The following CACNA1E variants were observed in gnomAD, a reference collection of about 807,000 sequenced individuals.
CACNA1E encodes the protein voltage-dependent R-type calcium channel subunit alpha-1E.
In CACNA1E, 40 loss-of-function variants were observed where a neutral mutation model predicts 259.2. That is an observed-to-expected ratio of 0.15 (90% CI 0.12 to 0.20). The LOEUF is 0.20. CACNA1E is among the 10% of genes least tolerant of loss of function. The pLI, the probability that CACNA1E is intolerant of heterozygous loss-of-function variation, is 1.00. For missense variants in CACNA1E, 1,874 were observed against 3,040.1 expected (o/e 0.62, Z 9.02); for synonymous variants, 1,104 against 1,138.5 (o/e 0.97, Z 0.61).
intron 1 of CACNA1E, among the ~76,000 whole-genome samples, chr1:181,385,245 G>C (rs1655755340): frequency 1.3e-5 from 2 of 152,196 alleles, no homozygotes; most frequent in South Asian, 4.1e-4. Flanking sequence ...AAATTGCCTT[G>C]AGTTCCTTGG....
intron 2 of CACNA1E, among the ~76,000 whole-genome samples, chr1:181,452,571 G>C (rs1486606647): frequency 1.4e-4 from 21 of 152,132 alleles, no homozygotes; most frequent in Admixed American, 1.4e-3. Context: ...CTCAGCCAGG[G>C]CTCTCAGGAA....
At chr1:181,686,275 G>GTTTTTTTTTTTTTTTT (rs66526388) in intron 7 of CACNA1E, among the ~76,000 whole-genome samples, 15 of 58,670 alleles carry the variant, frequency 2.6e-4, no homozygotes, top group African/African-American at 3.7e-4. Context: ...TAAGAACCAA[G>GTTTTTTTTTTTTTTTT]TTTTTTTTTT....
At chr1:181,452,670 C>G (rs1661236050) in intron 2 of CACNA1E, among the ~76,000 whole-genome samples, 1 of 152,242 alleles carries the variant, frequency 6.6e-6, no homozygotes, top group South Asian at 2.1e-4. Flanking sequence ...ATGCTGTCTT[C>G]AAGGCTATCT....
At chr1:181,649,279 C>T (rs1245100989) in intron 6 of CACNA1E, among the ~76,000 whole-genome samples, 2 of 152,148 alleles carry the variant, frequency 1.3e-5, no homozygotes, top group Non-Finnish European at 2.9e-5. Flanking sequence ...ATTGGCAGGT[C>T]CCTGCATCTG....
Position 181,333,931 on chromosome 1 carries a change from C to T in CACNA1E, c.-15+15808C>T, listed in dbSNP as rs940073147. Among the ~76,000 whole-genome samples the T allele has an allele frequency of 2.6e-5, 4 of 152,366 alleles. No individual in the cohort carries two copies. In the East Asian group the frequency reaches 7.7e-4, roughly 29 times the overall value. On this transcript the variant is annotated intron_variant, in intron 1 of 11. Transcript: ENST00000524607. ...TGGCCTCCCAAAGTGCTGGGATTTACAGGCGTGAGCCACTACGCCCAGCCA... is the reference window on the plus strand; with the variant it reads ...TGGCCTCCCAAAGTGCTGGGATTTATAGGCGTGAGCCACTACGCCCAGCCA...
In CACNA1E at chr1:181,483,622, G is replaced by T; in HGVS notation, c.-123G>T. 1.7e-6 allele frequency: 1 copy of T among 583,608 alleles called. No individual in the cohort carries two copies. The highest frequency in any genetic ancestry group is 2.9e-5 in the South Asian group (1 of 34,778). 36.2% of individuals were successfully genotyped at this position (583,608 alleles called of 1,614,324 possible). ...GAAGAGCTCGCGGAGCTCCCCAGAG[G>T]CGGTGGTCCCCGTGCTTGTCTGGAT... On this transcript the variant is annotated 5_prime_UTR_variant, in exon 1 of 48. Transcript: ENST00000367573.
intron 7 of CACNA1E, among the ~76,000 whole-genome samples, chr1:181,667,766 A>T (rs1648380625): frequency 6.6e-6 from 1 of 152,212 alleles, no homozygotes; most frequent in Non-Finnish European, 1.5e-5. Flanking sequence ...CCAAGTGCTG[A>T]ATGAGTCATA....
chr1:181,399,767 T>C (rs1656959157), intron 1 of CACNA1E, among the ~76,000 whole-genome samples: 1 of 152,244 alleles, frequency 6.6e-6, no homozygotes, highest in Non-Finnish European at 1.5e-5. Context: ...TCCCAAAGTG[T>C]GACTTGTTAG....
At chr1:181,540,057 G>T (rs1462787880) in intron 3 of CACNA1E, among the ~76,000 whole-genome samples, 3 of 152,126 alleles carry the variant, frequency 2.0e-5, no homozygotes, top group Non-Finnish European at 2.9e-5. Flanking sequence ...TCCTATTTGG[G>T]TGTGACATCC....
intron 3 of CACNA1E, among the ~76,000 whole-genome samples, chr1:181,554,159 A>G (rs901051328): frequency 1.3e-5 from 2 of 152,060 alleles, no homozygotes; most frequent in Admixed American, 6.5e-5. Flanking sequence ...GGCACATTCC[A>G]CTATGCCCAG....
At position 181,771,589 on chromosome 1, in the gene CACNA1E, T is replaced by G. The variant is rs1572856119; in HGVS notation, c.4973+205T>G. On this transcript the variant is annotated intron_variant, in intron 36 of 47. Transcript: ENST00000367573. Reference sequence around the variant, plus strand: ...TTGTCTACAGCCATACCACCATGAATGTGCCTGATCTTGTCTGATCTTGGA... The same window carrying G: ...TTGTCTACAGCCATACCACCATGAAGGTGCCTGATCTTGTCTGATCTTGGA... 7 of 555,282 alleles carry G rather than the reference T, an allele frequency of 1.3e-5. No homozygotes were observed. The Admixed American group carries it at 2.2e-4, about 18-fold the overall frequency. 34.4% of individuals were successfully genotyped at this position (555,282 alleles called of 1,614,324 possible).
chr1:181,625,505 A>T (rs776387363), intron 6 of CACNA1E, among the ~76,000 whole-genome samples: 1 of 152,160 alleles, frequency 6.6e-6, no homozygotes, highest in South Asian at 2.1e-4. Context: ...TTGCACTTTC[A>T]TGTATGGAAA....
intron 1 of CACNA1E, among the ~76,000 whole-genome samples, chr1:181,389,092 A>G (rs1446505523): frequency 1.3e-5 from 2 of 152,136 alleles, no homozygotes; most frequent in African/African-American, 4.8e-5. Context: ...TTTAATATAC[A>G]TTTTTGATTA....
At chr1:181,378,175 T>C (rs1655228340) in intron 1 of CACNA1E, among the ~76,000 whole-genome samples, 1 of 152,230 alleles carries the variant, frequency 6.6e-6, no homozygotes, top group African/African-American at 2.4e-5. Flanking sequence ...ATTTTCTTAT[T>C]TGTGATATAG....
chr1:181,353,316 C>T (rs1653179579), intron 1 of CACNA1E, among the ~76,000 whole-genome samples: 1 of 152,102 alleles, frequency 6.6e-6, no homozygotes, highest in South Asian at 2.1e-4. Flanking sequence ...TTTGTCCAGT[C>T]GGAGAAACAG....
At chr1:181,552,911 A>ATAGTT (rs1168362373) in intron 3 of CACNA1E, among the ~76,000 whole-genome samples, 1 of 152,190 alleles carries the variant, frequency 6.6e-6, no homozygotes, top group Non-Finnish European at 1.5e-5. Flanking sequence ...GCCTTGTAGT[A>ATAGTT]TAGTTTGAAA....
At chr1:181,785,612 A>T in intron 42 of CACNA1E, 101 bp from the exon 43 acceptor site, 1 of 926,978 alleles carries the variant, frequency 1.1e-6, no homozygotes, top group Admixed American at 1.9e-5. Flanking sequence ...CAAACAAGGG[A>T]TAAGTTATGT....
chr1:181,755,811 C>T (rs1429381771), intron 28 of CACNA1E, 145 bp from the exon 29 acceptor site: 4 of 855,704 alleles, frequency 4.7e-6, no homozygotes, highest in South Asian at 2.1e-5. Flanking sequence ...GTAAAAATAC[C>T]TTCCTTTAAT....
intron 1 of CACNA1E, among the ~76,000 whole-genome samples, chr1:181,491,239 T>C (rs1664290071): frequency 6.6e-6 from 1 of 152,204 alleles, no homozygotes; most frequent in Admixed American, 6.5e-5. Context: ...CAAGGCTAAT[T>C]CCTCATTTAG....
Sources: gnomAD v4.1 joint callset for allele counts (sites outside exome capture counted in the v4.1 genomes callset) on GRCh38, gnomAD v4.1.1 for gene constraint, MANE v1.5 for transcripts, NCBI Gene and HGNC (gene_info 2026-07-23, HGNC 2026-07-21) for gene names.